The following GABRA1 variants were observed in gnomAD, a reference collection of about 807,000 sequenced individuals.
GABRA1 encodes gamma-aminobutyric acid receptor subunit alpha-1.
Under a neutral mutation model 48.9 loss-of-function variants are expected in GABRA1, and 9 were observed. The ratio of observed to expected loss-of-function variants is 0.18; its 90% CI spans 0.11 to 0.32. The LOEUF is 0.32. Among genes scored for constraint, GABRA1 ranks in the 10% least tolerant of loss-of-function variants. The pLI is 1.00. For synonymous variants in GABRA1, 210 were observed against 198.7 expected, an observed-to-expected ratio of 1.06 and a Z score of -0.48; for missense variants, 285 against 553.8, an observed-to-expected ratio of 0.51 and a Z score of 4.87.
chr5:161,859,674 T>C lies in GABRA1; in HGVS notation c.187+5404T>C, dbSNP rs148885058. On this transcript the variant is annotated intron_variant, in intron 3 of 9. Transcript: ENST00000393943. ...TGATTTTTTAATATCCCTTGTAACA[T>C]TGAGATCAGAGAGAAACATTTTGTT... is the stretch of plus-strand genomic sequence containing the variant. 2.7e-3 allele frequency among the ~76,000 whole-genome samples: 407 copies of C among 151,846 alleles called. 3 individuals are homozygous for C. The highest frequency in any genetic ancestry group is 9.1e-3 in the African/African-American group (376 of 41,498).
intron 4 of GABRA1, among the ~76,000 whole-genome samples, chr5:161,868,376 A>T (rs555395849): frequency 1.4e-3 from 214 of 152,104 alleles, no homozygotes; most frequent in Middle Eastern, 6.8e-3. Flanking sequence ...CCAGCAGCCA[A>T]ATGGAAAAGA....
At chr5:161,875,458 T>G (rs762141453) in intron 5 of GABRA1, 102 bp from the exon 6 acceptor site, 15 of 929,190 alleles carry the variant, frequency 1.6e-5, no homozygotes, top group Non-Finnish European at 2.3e-5. Flanking sequence ...AATTATGCCT[T>G]CTTTGTTAAT....
At chr5:161,871,014 A>G (rs1754095003) in intron 4 of GABRA1, among the ~76,000 whole-genome samples, 1 of 148,650 alleles carries the variant, frequency 6.7e-6, no homozygotes, top group African/African-American at 2.5e-5. Flanking sequence ...CAGTATTTGA[A>G]GGAAGAATGT....
intron 6 of GABRA1, among the ~76,000 whole-genome samples, chr5:161,876,826 T>C (rs1054302614): frequency 4.6e-5 from 7 of 152,212 alleles, no homozygotes; most frequent in South Asian, 2.1e-4. Context: ...AGATAGTACA[T>C]TAAATATTTG....
Position 161,860,673 on chromosome 5 carries a change from G to C in GABRA1, c.188-5048G>C, listed in dbSNP as rs558982086. Among the ~76,000 whole-genome samples, 6 of 150,994 alleles carry C rather than the reference G, an allele frequency of 4.0e-5. No homozygotes were observed. The East Asian group carries it at 9.7e-4, about 24-fold the overall frequency. ...TTTTTAACATGAAGAATAAATGCTT[G>C]AGGTGATGGATATCCTGTTTTCTAT... is the stretch of plus-strand genomic sequence containing the variant. On this transcript the variant is annotated intron_variant, in intron 3 of 9. Transcript: ENST00000393943.
chr5:161,886,587 G>A (rs535575690), intron 7 of GABRA1, among the ~76,000 whole-genome samples: 1 of 151,968 alleles, frequency 6.6e-6, no homozygotes, highest in East Asian at 1.9e-4. Context: ...ACCAGCCTGG[G>A]AAATGTGGAG....
intron 3 of GABRA1, among the ~76,000 whole-genome samples, chr5:161,863,316 A>G (rs996024974): frequency 2.0e-5 from 3 of 151,942 alleles, no homozygotes; most frequent in Non-Finnish European, 4.4e-5. Context: ...TAAAGAAAAC[A>G]CGATTTATTG....
intron 7 of GABRA1, among the ~76,000 whole-genome samples, chr5:161,890,222 A>C (rs985354545): frequency 6.6e-6 from 1 of 152,088 alleles, no homozygotes; most frequent in Admixed American, 6.5e-5. Context: ...GGACAAACTC[A>C]AAATCTGGTT....
intron 7 of GABRA1, among the ~76,000 whole-genome samples, chr5:161,884,679 T>C (rs1371630389): frequency 6.6e-6 from 1 of 152,266 alleles, no homozygotes; most frequent in Middle Eastern, 3.4e-3. Context: ...CTCAAGGAAC[T>C]CTTCATCTAT....
At chr5:161,894,891 A>G (rs1188045593) in intron 8 of GABRA1, among the ~76,000 whole-genome samples, 1 of 145,352 alleles carries the variant, frequency 6.9e-6, no homozygotes, top group Non-Finnish European at 1.5e-5. Context: ...AGAGTAGGAA[A>G]GATGAGGCAG....
At chr5:161,884,381 A>G (rs1754747543) in intron 7 of GABRA1, among the ~76,000 whole-genome samples, 1 of 152,114 alleles carries the variant, frequency 6.6e-6, no homozygotes. Flanking sequence ...GAACACATAA[A>G]CTGTAATTAT....
intron 7 of GABRA1, among the ~76,000 whole-genome samples, chr5:161,887,595 AC>A (rs1047509665): frequency 6.6e-6 from 1 of 152,120 alleles, no homozygotes; most frequent in African/African-American, 2.4e-5. Flanking sequence ...CATAACCACC[AC>A]TTTCTCAATA....
intron 4 of GABRA1, among the ~76,000 whole-genome samples, chr5:161,870,275 G>C (rs1017601062): frequency 6.6e-6 from 1 of 152,040 alleles, no homozygotes; most frequent in Non-Finnish European, 1.5e-5. Flanking sequence ...TTAAGAAGGG[G>C]CTTTGGCCAG....
At chr5:161,860,186 A>G (rs1252584409) in intron 3 of GABRA1, among the ~76,000 whole-genome samples, 1 of 151,850 alleles carries the variant, frequency 6.6e-6, no homozygotes, top group Non-Finnish European at 1.5e-5. Context: ...ATGAAGCCAC[A>G]TTGTCTGATG....
rs187180852 is a variant in GABRA1 at position 161,859,902 on chromosome 5, G to A, written c.187+5632G>A. Among the ~76,000 whole-genome samples the A allele has an allele frequency of 8.6e-4, 130 of 151,650 alleles. 1 individual carries two copies. Among genetic ancestry groups the A allele is most frequent in the Non-Finnish European group, 6.8e-4 (46 of 67,786 alleles). ...TGTTTTTGCTGTGTTTACTTTACTA[G>A]AGAATAGCCTTTAGTATTATGTTTT... On this transcript the variant is annotated intron_variant, in intron 3 of 9. Transcript: ENST00000393943.
intron 2 of GABRA1, among the ~76,000 whole-genome samples, chr5:161,852,675 AAG>A (rs911950307): frequency 2.0e-5 from 3 of 151,988 alleles, no homozygotes; most frequent in African/African-American, 7.2e-5. Flanking sequence ...ATTTTGCCAA[AAG>A]AGAGTAAGCC....
intron 6 of GABRA1, among the ~76,000 whole-genome samples, chr5:161,881,451 A>T (rs1754609635): frequency 6.6e-6 from 1 of 152,084 alleles, no homozygotes; most frequent in Admixed American, 6.6e-5. Flanking sequence ...CTAACCTCTT[A>T]TTAGGAGATG....
At chr5:161,869,257 T>C (rs767286221) in intron 4 of GABRA1, among the ~76,000 whole-genome samples, 8 of 152,208 alleles carry the variant, frequency 5.3e-5, no homozygotes, top group Non-Finnish European at 1.2e-4. Flanking sequence ...TGCTATTGAA[T>C]GCTTACAACA....
intron 4 of GABRA1, among the ~76,000 whole-genome samples, chr5:161,869,116 G>A (rs1436896227): frequency 6.6e-6 from 1 of 152,150 alleles, no homozygotes; most frequent in African/African-American, 2.4e-5. Context: ...ACAAGAAGAA[G>A]CAGCATGATT....
Sources: gnomAD v4.1 joint callset for allele counts (sites outside exome capture counted in the v4.1 genomes callset) on GRCh38, gnomAD v4.1.1 for gene constraint, MANE v1.5 for transcripts, NCBI Gene and HGNC (gene_info 2026-07-23, HGNC 2026-07-21) for gene names.